The following CAPSL variants were observed in gnomAD, a reference collection of about 807,000 sequenced individuals.
CAPSL encodes the protein calcyphosine like, also known as calcyphosin-like protein.
CAPSL carries 17 observed loss-of-function variants against 21.3 expected under a neutral mutation model. The ratio of observed to expected loss-of-function variants is 0.80; its 90% CI spans 0.55 to 1.20. The LOEUF (loss-of-function observed/expected upper bound fraction) is 1.20. CAPSL is among the 50% of genes most tolerant of loss of function. CAPSL has a pLI of 0.00. For synonymous variants in CAPSL, 102 were observed against 89.3 expected (o/e 1.14, Z -0.80); for missense variants, 289 against 259.3 (o/e 1.11, Z -0.79).
chr5:35,933,416 A>C (rs6451241), intron 1 of CAPSL, among the ~76,000 whole-genome samples: 29,096 of 152,160 alleles, frequency 0.19, 3,736 homozygotes, highest in African/African-American at 0.37. Context: ...AAATTGGTAG[A>C]AAAACCAAGA....
chr5:35,914,128 G>C (rs1253881632), intron 2 of CAPSL, among the ~76,000 whole-genome samples: 2 of 152,148 alleles, frequency 1.3e-5, no homozygotes, highest in African/African-American at 4.8e-5. Flanking sequence ...TTACATAATG[G>C]TAAAGGGATC....
At chr5:35,931,438 CAA>C (rs10710256) in intron 1 of CAPSL, among the ~76,000 whole-genome samples, 1,534 of 143,906 alleles carry the variant, frequency 0.011, 29 homozygotes, top group African/African-American at 0.033. Flanking sequence ...CAATGTGTTA[CAA>C]AAAAAAAAAA....
chr5:35,906,739 C>T (rs1214021907), intron 4 of CAPSL, among the ~76,000 whole-genome samples: 1 of 152,170 alleles, frequency 6.6e-6, no homozygotes, highest in Non-Finnish European at 1.5e-5. Flanking sequence ...AGACTGGTAT[C>T]GTCACCCATC....
intron 1 of CAPSL, among the ~76,000 whole-genome samples, chr5:35,923,133 T>C (rs1209265682): frequency 1.3e-5 from 2 of 152,220 alleles, no homozygotes; most frequent in Non-Finnish European, 2.9e-5. Flanking sequence ...CCCCAGCCAC[T>C]CACCTCCCAT....
At chr5:35,927,908 A>G (rs1046707132) in intron 1 of CAPSL, among the ~76,000 whole-genome samples, 4 of 152,248 alleles carry the variant, frequency 2.6e-5, no homozygotes, top group Admixed American at 2.6e-4. Flanking sequence ...ATGCCCTTCT[A>G]AAATAAATAT....
At chr5:35,927,768 C>T (rs1738722124) in intron 1 of CAPSL, among the ~76,000 whole-genome samples, 1 of 152,162 alleles carries the variant, frequency 6.6e-6, no homozygotes, top group African/African-American at 2.4e-5. Context: ...ATACAACAGA[C>T]CATGTCTGAA....
chr5:35,907,012 C>G (rs527378942), intron 4 of CAPSL, among the ~76,000 whole-genome samples: 1 of 152,204 alleles, frequency 6.6e-6, no homozygotes, highest in Admixed American at 6.5e-5. Flanking sequence ...ATTCTCTGAT[C>G]TCCTGTAAAT....
intron 2 of CAPSL, among the ~76,000 whole-genome samples, chr5:35,911,743 G>A (rs1040849713): frequency 1.3e-5 from 2 of 152,146 alleles, no homozygotes; most frequent in East Asian, 1.9e-4. Context: ...AAAATAAGGG[G>A]GTGGAGCAAG....
chr5:35,909,394 T>C (rs992685810), intron 4 of CAPSL, among the ~76,000 whole-genome samples: 2 of 152,182 alleles, frequency 1.3e-5, no homozygotes, highest in African/African-American at 4.8e-5. Context: ...AGTGTGAAGA[T>C]GAATGAGGAT....
chr5:35,910,577 T>C lies in CAPSL; in HGVS notation c.138-34A>G, dbSNP rs774240756. ...AATACACACAAAAATTCAGAAGAAATGTACAAATAACAGGTGTAAGTGTAA... is the reference window on the plus strand; with the variant it reads ...AATACACACAAAAATTCAGAAGAAACGTACAAATAACAGGTGTAAGTGTAA... On this transcript the variant is annotated intron_variant, in intron 2 of 4. Coordinates refer to ENST00000651391, the MANE Select transcript of CAPSL (RefSeq NM_001042625.2). 10 of 1,483,564 alleles carry C rather than the reference T, an allele frequency of 6.7e-6. No individual in the cohort carries two copies. In the African/African-American group the frequency reaches 1.4e-4, roughly 21 times the overall value. The allele number at this position is 1,483,564 out of a possible 1,614,324, so 91.9% of individuals were successfully genotyped here. A position where few individuals can be genotyped will look rare whatever the true frequency, so the allele number is the denominator to read the frequency against.
chr5:35,915,650 A>G (rs1260921110), intron 2 of CAPSL, among the ~76,000 whole-genome samples: 1 of 152,230 alleles, frequency 6.6e-6, no homozygotes, highest in Non-Finnish European at 1.5e-5. Context: ...GCCTTTGACA[A>G]AATTCAACAA....
At chr5:35,909,732 C>T in intron 4 of CAPSL, 134 bp downstream of exon 4, 2 of 770,026 alleles carry the variant, frequency 2.6e-6, no homozygotes, top group Non-Finnish European at 4.1e-6. Context: ...CTAGATTGTT[C>T]CTAGGGAAAT....
intron 4 of CAPSL, among the ~76,000 whole-genome samples, chr5:35,908,951 T>C (rs1185817006): frequency 3.9e-5 from 6 of 152,208 alleles, no homozygotes; most frequent in African/African-American, 1.4e-4. Context: ...GGGCCACTTA[T>C]CTTTTCCTGT....
intron 2 of CAPSL, 52 bp from the exon 3 acceptor site, chr5:35,910,595 A>C: frequency 7.5e-7 from 1 of 1,330,372 alleles, no homozygotes. Context: ...TAACAGGTGT[A>C]AGTGTAAAGA....
chr5:35,925,035 C>T (rs1738635792), intron 1 of CAPSL, among the ~76,000 whole-genome samples: 1 of 152,250 alleles, frequency 6.6e-6, no homozygotes, highest in Non-Finnish European at 1.5e-5. Context: ...GAGCGCATCC[C>T]TGTGCAAGGC....
chr5:35,915,937 A>AT (rs1269761761), intron 2 of CAPSL, among the ~76,000 whole-genome samples: 4 of 152,206 alleles, frequency 2.6e-5, no homozygotes, highest in Admixed American at 6.5e-5. Context: ...CTGTTTGCAG[A>AT]TGACATGATT....
At chr5:35,921,143 T>C (rs746060094) in intron 1 of CAPSL, 23 bp from the exon 2 acceptor site, 1 of 1,612,636 alleles carries the variant, frequency 6.2e-7, no homozygotes, top group Non-Finnish European at 8.5e-7. Context: ...CATAGCATGT[T>C]AGCAAAGTCC....
At chr5:35,912,824 C>G (rs1245764488) in intron 2 of CAPSL, among the ~76,000 whole-genome samples, 1 of 152,346 alleles carries the variant, frequency 6.6e-6, no homozygotes, top group African/African-American at 2.4e-5. Flanking sequence ...CAAAGGAGCA[C>G]AGCTCCTCAC....
chr5:35,937,759 A>C lies in CAPSL; in HGVS notation c.-1+782T>G, dbSNP rs1168859177. On this transcript the variant is annotated intron_variant, in intron 1 of 4. Transcript: ENST00000651391. Reference sequence around the variant, plus strand: ...GAATATAAATACAAATGTATGCCTGAAATTCAAATCTCAATATTTAAAACT... The same window carrying C: ...GAATATAAATACAAATGTATGCCTGCAATTCAAATCTCAATATTTAAAACT... Among the ~76,000 whole-genome samples the C allele has an allele frequency of 8.5e-5, 13 of 152,294 alleles. No individual in the cohort carries two copies. In the South Asian group the frequency reaches 2.7e-3, roughly 32 times the overall value.
Sources: allele counts gnomAD v4.1 joint callset (sites outside exome capture counted in the v4.1 genomes callset), GRCh38; gene constraint gnomAD v4.1.1; transcripts MANE v1.5; gene names NCBI Gene and HGNC (gene_info 2026-07-23, HGNC 2026-07-21).